The following EIF4E3 variants were observed in gnomAD, a reference collection of about 807,000 sequenced individuals.
The protein encoded by EIF4E3 is eukaryotic translation initiation factor 4E family member 3.
EIF4E3 carries 26 observed loss-of-function variants against 31.7 expected under a neutral mutation model. That is an observed-to-expected ratio of 0.82 (90% CI 0.60 to 1.14). The LOEUF (loss-of-function observed/expected upper bound fraction) is 1.14. Ranked by LOEUF, EIF4E3 falls within the 50% of genes most tolerant of loss-of-function variation. EIF4E3 has a pLI of 0.00. For missense variants in EIF4E3, 304 were observed against 270.9 expected, an observed-to-expected ratio of 1.12 and a Z score of -0.86; for synonymous variants, 128 against 107.7, an observed-to-expected ratio of 1.19 and a Z score of -1.17.
rs562851904 is a variant in EIF4E3 at position 71,716,097 on chromosome 3, G to A, written c.177-5613C>T. ...ATCTTGCCTCCCCACCATATATCTA[G>A]CCACACTGCTGGCAAAGCACAGAGG... On this transcript the variant is annotated intron_variant, in intron 1 of 6. Transcript: ENST00000425534. 1.4e-4 allele frequency among the ~76,000 whole-genome samples: 22 copies of A among 152,274 alleles called. 1 individual carries two copies. The highest frequency in any genetic ancestry group is 5.3e-4 in the African/African-American group (22 of 41,548).
At chr3:71,659,839 A>G in the EIF4E3 span, among the ~76,000 whole-genome samples, 1 of 152,198 alleles carries the variant, frequency 6.6e-6, no homozygotes, top group African/African-American at 2.4e-5. Flanking sequence ...ATGAGAACAG[A>G]ACATAAGGCA....
rs2048906507 is a variant in EIF4E3 at position 71,680,137 on chromosome 3, C to T, written c.*4545G>A. On this transcript the variant is annotated 3_prime_UTR_variant, in exon 7 of 7. Coordinates refer to ENST00000425534, the MANE Select transcript of EIF4E3 (RefSeq NM_001134651.2). ...AAGTCTCAGTATTAATGGTTTTCTCCAGCCTTCATAAGATTGTTGGTATCA... is the reference window on the plus strand; with the variant it reads ...AAGTCTCAGTATTAATGGTTTTCTCTAGCCTTCATAAGATTGTTGGTATCA... The T allele has an allele frequency of 6.6e-6, 1 of 152,126 alleles. No homozygotes were observed. The highest frequency in any genetic ancestry group is 6.5e-5 in the Admixed American group (1 of 15,272). The allele number at this position is 152,126 out of a possible 1,614,324, so 9.4% of individuals were successfully genotyped here.
chr3:71,713,831 T>G (rs541898597), intron 1 of EIF4E3, among the ~76,000 whole-genome samples: 2 of 152,000 alleles, frequency 1.3e-5, no homozygotes, highest in Non-Finnish European at 2.9e-5. Flanking sequence ...GTAGGGAAGA[T>G]CTTCACAAAA....
chr3:71,661,192 A>T, the EIF4E3 span, among the ~76,000 whole-genome samples: 1 of 151,298 alleles, frequency 6.6e-6, no homozygotes, highest in Admixed American at 6.6e-5. Flanking sequence ...TTCTGAAGTT[A>T]TCCAATTAAT....
intron 1 of EIF4E3, among the ~76,000 whole-genome samples, chr3:71,737,847 TAACAG>T (rs1264954479): frequency 2.0e-5 from 3 of 152,086 alleles, no homozygotes; most frequent in Non-Finnish European, 2.9e-5. Context: ...ACTAAGATGA[TAACAG>T]AACAATCTCT....
chr3:71,669,037 C>T, the EIF4E3 span, among the ~76,000 whole-genome samples: 1 of 152,154 alleles, frequency 6.6e-6, no homozygotes, highest in Admixed American at 6.5e-5. Flanking sequence ...AAATGTGGCA[C>T]ATATGCACCA....
At chr3:71,754,520 G>T (rs979894810), upstream of EIF4E3, 16 of 1,315,506 alleles carry the variant, frequency 1.2e-5, no homozygotes, top group Admixed American at 3.6e-5. The surrounding 1 kb of genome is among the most constrained non-coding windows in gnomAD (Gnocchi z 5.8). Flanking sequence ...CGGCCTTCCC[G>T]CCAGTGCTGG....
intron 1 of EIF4E3, among the ~76,000 whole-genome samples, chr3:71,733,005 T>C (rs1318162746): frequency 2.0e-5 from 3 of 152,254 alleles, no homozygotes; most frequent in African/African-American, 7.2e-5. Context: ...TCTCGTTTCC[T>C]TATCACAGTT....
Position 71,677,782 on chromosome 3 carries a change from T to C in EIF4E3, c.*6900A>G, listed in dbSNP as rs928709045. On this transcript the variant is annotated 3_prime_UTR_variant, in exon 7 of 7. Transcript: ENST00000425534. The stretch of plus-strand genomic sequence containing the variant: ...CGTTTTGTTTGTTTTTAAAGGAATA[T>C]ATTAGACAGCCAGAAAGGAGGAGTA... The C allele has an allele frequency of 3.3e-4, 51 of 152,288 alleles. No individual in the cohort carries two copies. Among genetic ancestry groups the C allele is most frequent in the African/African-American group, 1.2e-3 (51 of 41,568 alleles). 9.4% of individuals were successfully genotyped at this position (152,288 alleles called of 1,614,324 possible).
intron 1 of EIF4E3, among the ~76,000 whole-genome samples, chr3:71,746,289 A>C (rs958683146): frequency 6.6e-6 from 1 of 152,236 alleles, no homozygotes; most frequent in Admixed American, 6.5e-5. Context: ...ATTATTAATC[A>C]TATATGCAAA....
chr3:71,719,667 A>G (rs2049516729), intron 1 of EIF4E3, among the ~76,000 whole-genome samples: 1 of 152,214 alleles, frequency 6.6e-6, no homozygotes. Context: ...TGACGTGACC[A>G]GGAAGAGTGG....
At chr3:71,688,772 G>A (rs1030198582) in intron 6 of EIF4E3, among the ~76,000 whole-genome samples, 3 of 152,122 alleles carry the variant, frequency 2.0e-5, no homozygotes, top group African/African-American at 7.2e-5. Context: ...AATGGCATCG[G>A]CAAATTGGCA....
At chr3:71,721,844 G>A (rs2049554671) in intron 1 of EIF4E3, among the ~76,000 whole-genome samples, 1 of 152,124 alleles carries the variant, frequency 6.6e-6, no homozygotes, top group African/African-American at 2.4e-5. Flanking sequence ...CTGAGAAGGT[G>A]ACATGTGAGC....
Position 71,710,451 on chromosome 3 carries a change from T to C in EIF4E3, c.210A>G (p.Ala70=). The C allele has an allele frequency of 6.4e-7, 1 of 1,551,444 alleles. No individual in the cohort carries two copies. The highest frequency in any genetic ancestry group is 8.7e-7 in the Non-Finnish European group (1 of 1,146,872). ...CTGTGTAGATTTTCTTCAGATTTGA[T>C]GCGCACTCAGCTGCTGTGGCACCAG... The part of the protein sequence containing the change: ...SLPGATAAEC[A]SNLKKIYTVQ... Residue 70 remains alanine (A), a synonymous_variant, in exon 2 of 7, where the codon GCA becomes GCG. Coordinates refer to ENST00000425534, the MANE Select transcript of EIF4E3 (RefSeq NM_001134651.2).
downstream of EIF4E3, among the ~76,000 whole-genome samples, chr3:71,674,946 A>G (rs1014084628): frequency 2.0e-5 from 3 of 152,148 alleles, no homozygotes; most frequent in Admixed American, 2.0e-4. Flanking sequence ...TTCCAAACTA[A>G]GCTCTTTGCA....
At chr3:71,711,883 T>G (rs932912487) in intron 1 of EIF4E3, among the ~76,000 whole-genome samples, 1 of 152,086 alleles carries the variant, frequency 6.6e-6, no homozygotes, top group African/African-American at 2.4e-5. Flanking sequence ...CTGGGGAGGC[T>G]GAGACACGAG....
intron 1 of EIF4E3, among the ~76,000 whole-genome samples, chr3:71,731,523 T>A (rs2049706101): frequency 6.6e-6 from 1 of 152,094 alleles, no homozygotes; most frequent in East Asian, 1.9e-4. Flanking sequence ...CCAGTCCAAG[T>A]GGGGAGGGCC....
At chr3:71,687,347 T>C (rs561109339) in intron 6 of EIF4E3, among the ~76,000 whole-genome samples, 2 of 152,372 alleles carry the variant, frequency 1.3e-5, no homozygotes, top group South Asian at 4.1e-4. Context: ...AAAGCAGCTA[T>C]AGGTAATACG....
chr3:71,716,442 C>T (rs141742846), intron 1 of EIF4E3, among the ~76,000 whole-genome samples: 1 of 152,112 alleles, frequency 6.6e-6, no homozygotes, highest in African/African-American at 2.4e-5. Flanking sequence ...ACCGTGTTAG[C>T]CAGGATGGTC....
Sources: allele counts gnomAD v4.1 joint callset (sites outside exome capture counted in the v4.1 genomes callset), GRCh38; gene constraint gnomAD v4.1.1; non-coding constraint Gnocchi (gnomAD v3.1); transcripts MANE v1.5; gene names NCBI Gene and HGNC (gene_info 2026-07-23, HGNC 2026-07-21).